Variants in SORCS1 observed in about 807,000 individuals in gnomAD.
SORCS1 encodes VPS10 domain-containing receptor SorCS1.
Under a neutral mutation model 146.1 loss-of-function variants are expected in SORCS1, and 60 were observed. The observed-to-expected ratio is 0.41, with a 90% CI of 0.33 to 0.51. The LOEUF is 0.51. SORCS1 is among the 20% of genes least tolerant of loss of function. SORCS1 has a pLI of 0.21. For missense variants in SORCS1, 1,352 were observed against 1,487.6 expected (o/e 0.91, Z 1.50); for synonymous variants, 637 against 584.0 (o/e 1.09, Z -1.31).
chr10:106,840,502 C>CT (rs34265401), intron 2 of SORCS1, among the ~76,000 whole-genome samples: 70,936 of 151,834 alleles, frequency 0.47, 17,029 homozygotes, highest in African/African-American at 0.59. Context: ...GAATATATTC[C>CT]GGTGAATGTG....
chr10:107,140,297 G>A (rs1210348240), intron 1 of SORCS1, among the ~76,000 whole-genome samples: 1 of 152,038 alleles, frequency 6.6e-6, no homozygotes, highest in African/African-American at 2.4e-5. Flanking sequence ...AGCAATACAG[G>A]GCTTCAAAGA....
chr10:106,697,413 G>A (rs895550176), intron 9 of SORCS1, among the ~76,000 whole-genome samples: 9 of 150,950 alleles, frequency 6.0e-5, no homozygotes, highest in African/African-American at 1.5e-4. Flanking sequence ...CCAAGATCAC[G>A]CCACTGCACT....
At position 106,956,559 on chromosome 10, in the gene SORCS1, G is replaced by C. The variant is rs1489251831; in HGVS notation, c.580C>G (p.Leu194Val). Residue 194 changes from leucine to valine, a missense_variant, in exon 2 of 26, where the codon CTC (leucine) becomes GTC (valine). Leu to Val is a conservative substitution (Grantham distance 32). Coordinates refer to ENST00000263054, the MANE Select transcript of SORCS1 (RefSeq NM_052918.5). ...NSSVILILTK[L>V]YDYNLGSITE... ...ATGCTCCCCAGGTTATAGTCATAGA[G>C]CTTTGTCAAAATGAGAATCACCTGA... 12 of 1,614,002 alleles carry C rather than the reference G, an allele frequency of 7.4e-6. No individual in the cohort carries two copies. The highest frequency in any genetic ancestry group is 1.0e-5 in the Non-Finnish European group (12 of 1,180,002).
rs144505164 is a variant in SORCS1, at chr10:107,056,468, C to T, written c.559-99888G>A. ...AGCTTTCCTTTTAATTTTAATTGTT[C>T]TCTGCCAATTTCTGAGAAAGAGAAT... On this transcript the variant is annotated intron_variant, in intron 1 of 25. Transcript: ENST00000263054. Among the ~76,000 whole-genome samples, 155 of 152,280 alleles carry T rather than the reference C, an allele frequency of 1.0e-3. 3 individuals are homozygous for T. The East Asian group carries it at 0.028, about 27-fold the overall frequency.
At chr10:106,676,267 C>G (rs994554833) in intron 13 of SORCS1, among the ~76,000 whole-genome samples, 3 of 152,112 alleles carry the variant, frequency 2.0e-5, no homozygotes, top group Non-Finnish European at 4.4e-5. Context: ...ATTGATAACT[C>G]CTCTGGGAGT....
chr10:107,162,476 G>T (rs750590941), intron 1 of SORCS1, among the ~76,000 whole-genome samples: 1 of 152,152 alleles, frequency 6.6e-6, no homozygotes, highest in Non-Finnish European at 1.5e-5. Context: ...GAGGGCAAGG[G>T]TCTCCAGAAC....
intron 1 of SORCS1, among the ~76,000 whole-genome samples, chr10:107,097,844 C>T (rs1217386547): frequency 1.3e-5 from 2 of 152,138 alleles, no homozygotes; most frequent in African/African-American, 2.4e-5. Context: ...TTTCTAATTT[C>T]CATTTGAGTG....
At chr10:107,174,911 T>G in the SORCS1 span, among the ~76,000 whole-genome samples, 4 of 151,918 alleles carry the variant, frequency 2.6e-5, no homozygotes, top group East Asian at 7.7e-4. Flanking sequence ...TTTACTGGAG[T>G]TTTTCTTGCC....
chr10:107,126,814 A>G (rs1966738452), intron 1 of SORCS1, among the ~76,000 whole-genome samples: 1 of 152,074 alleles, frequency 6.6e-6, no homozygotes, highest in Admixed American at 6.5e-5. Context: ...TTAATGAATC[A>G]GTTGCAAGCA....
At chr10:106,809,021 T>G (rs192852267) in intron 3 of SORCS1, among the ~76,000 whole-genome samples, 167 of 152,294 alleles carry the variant, frequency 1.1e-3, no homozygotes, top group African/African-American at 3.9e-3. Flanking sequence ...TTGTCCCTTT[T>G]ACCGCCAGTT....
chr10:106,629,497 C>T (rs968688543), intron 18 of SORCS1, 109 bp from the exon 19 acceptor site: 3 of 1,035,990 alleles, frequency 2.9e-6, no homozygotes, highest in African/African-American at 3.2e-5. Context: ...ATGATGGCAG[C>T]CCTGGCTCAC....
At chr10:106,942,612 G>C (rs1329525436) in intron 2 of SORCS1, among the ~76,000 whole-genome samples, 2 of 152,118 alleles carry the variant, frequency 1.3e-5, no homozygotes, top group African/African-American at 4.8e-5. Context: ...CCAAATGGCA[G>C]GACACCCCTT....
chr10:106,751,525 GT>G (rs754797990), intron 5 of SORCS1, among the ~76,000 whole-genome samples: 2 of 152,152 alleles, frequency 1.3e-5, no homozygotes, highest in Non-Finnish European at 2.9e-5. Context: ...GAGTCTTTCT[GT>G]TTTTGCTTGA....
Position 107,116,459 on chromosome 10 carries a change from C to T in SORCS1, c.558+47510G>A, listed in dbSNP as rs182266062. Among the ~76,000 whole-genome samples, 9 of 152,104 alleles carry T rather than the reference C, an allele frequency of 5.9e-5. No individual in the cohort carries two copies. The East Asian group carries it at 7.7e-4, about 13-fold the overall frequency. On this transcript the variant is annotated intron_variant, in intron 1 of 25. Coordinates refer to ENST00000263054, the MANE Select transcript of SORCS1 (RefSeq NM_052918.5). ...CATAATGTACACACACACATACATA[C>T]GTACATACACAAGCAATGGAACATT...
intron 4 of SORCS1, among the ~76,000 whole-genome samples, chr10:106,775,923 C>T (rs1860398328): frequency 1.3e-5 from 2 of 152,132 alleles, no homozygotes; most frequent in Non-Finnish European, 2.9e-5. Context: ...TATAGGATGA[C>T]ATTTTATGGG....
intron 1 of SORCS1, among the ~76,000 whole-genome samples, chr10:107,157,681 C>CT: frequency 6.6e-6 from 1 of 152,320 alleles, no homozygotes; most frequent in South Asian, 2.1e-4. Context: ...TATCTACATT[C>CT]TAGGATAAGC....
Position 107,103,677 on chromosome 10 carries a change from G to A in SORCS1, c.558+60292C>T, listed in dbSNP as rs1475830282. The stretch of plus-strand genomic sequence containing the variant: ...ATCTCCTTTCCCCTCAGTCCCCAAA[G>A]CATCTGTTGCCTGGACTTTTGTTTG... On this transcript the variant is annotated intron_variant, in intron 1 of 25. Transcript: ENST00000263054. 2.0e-5 allele frequency among the ~76,000 whole-genome samples: 3 copies of A among 152,184 alleles called. No homozygotes were observed. In the South Asian group the frequency reaches 6.2e-4, roughly 31 times the overall value.
chr10:106,910,283 TTGTGTGTG>T (rs141789814), intron 2 of SORCS1, among the ~76,000 whole-genome samples: 31 of 146,032 alleles, frequency 2.1e-4, no homozygotes, highest in Non-Finnish European at 4.4e-4. Context: ...TCTCTTTACA[TTGTGTGTG>T]TGTGTGTGTG....
intron 1 of SORCS1, among the ~76,000 whole-genome samples, chr10:107,134,013 A>C (rs927859704): frequency 2.6e-5 from 4 of 152,196 alleles, no homozygotes; most frequent in Admixed American, 2.6e-4. Flanking sequence ...GTGAGTCAGA[A>C]TTCTCTCCCT....
Sources: gnomAD v4.1 joint callset for allele counts (sites outside exome capture counted in the v4.1 genomes callset) on GRCh38, gnomAD v4.1.1 for gene constraint, MANE v1.5 for transcripts, NCBI Gene and HGNC (gene_info 2026-07-23, HGNC 2026-07-21) for gene names.